The following STRBP variants were observed in gnomAD, a reference collection of about 807,000 sequenced individuals.
STRBP encodes the protein spermatid perinuclear RNA binding protein, also known as spermatid perinuclear RNA-binding protein.
STRBP carries 13 observed loss-of-function variants against 80.1 expected under a neutral mutation model. The observed-to-expected ratio is 0.16, with a 90% CI of 0.11 to 0.26. The LOEUF (loss-of-function observed/expected upper bound fraction) is 0.26, where lower values mean the gene tolerates loss of function less well. Among genes scored for constraint, STRBP ranks in the 10% least tolerant of loss-of-function variants. The pLI is 1.00. For synonymous variants in STRBP, 284 were observed against 291.2 expected, an observed-to-expected ratio of 0.98 and a Z score of 0.25; for missense variants, 485 against 815.2, an observed-to-expected ratio of 0.59 and a Z score of 4.93.
chr9:123,169,545 C>A (rs2037919690), intron 6 of STRBP, among the ~76,000 whole-genome samples: 1 of 152,068 alleles, frequency 6.6e-6, no homozygotes, highest in African/African-American at 2.4e-5. Flanking sequence ...ATCCTGAAAT[C>A]CGACCATTAA....
At chr9:123,194,318 T>C (rs1167731185) in intron 2 of STRBP, among the ~76,000 whole-genome samples, 1 of 152,166 alleles carries the variant, frequency 6.6e-6, no homozygotes, top group Non-Finnish European at 1.5e-5. Context: ...TCCTATCTAA[T>C]GCAAATTCCT....
At chr9:123,185,396 A>C (rs1448854407) in intron 2 of STRBP, among the ~76,000 whole-genome samples, 2 of 152,070 alleles carry the variant, frequency 1.3e-5, no homozygotes, top group Non-Finnish European at 2.9e-5. Flanking sequence ...GCGATACCCT[A>C]TCTCTTTAAA....
chr9:123,178,991 G>A lies in STRBP; in HGVS notation c.224+16C>T, dbSNP rs756501687. On this transcript the variant is annotated intron_variant, in intron 4 of 18. Coordinates refer to ENST00000348403, the MANE Select transcript of STRBP (RefSeq NM_018387.5). ...TGCACTCTAGCACAGCGTCCCAGAG[G>A]TCAGTCCACACTCACTTGGAATAGT... The A allele has an allele frequency of 2.5e-6, 4 of 1,612,426 alleles. No individual in the cohort carries two copies. The highest frequency in any genetic ancestry group is 3.4e-6 in the Non-Finnish European group (4 of 1,178,530).
At chr9:123,259,182 G>T (rs2041107699) in intron 1 of STRBP, among the ~76,000 whole-genome samples, 1 of 152,050 alleles carries the variant, frequency 6.6e-6, no homozygotes, top group African/African-American at 2.4e-5. Flanking sequence ...GAGCTGCTAA[G>T]ATTTCCTAAG....
intron 2 of STRBP, among the ~76,000 whole-genome samples, chr9:123,212,409 A>C (rs1167882902): frequency 6.6e-6 from 1 of 152,184 alleles, no homozygotes; most frequent in African/African-American, 2.4e-5. Context: ...ACAAACTTCA[A>C]ACTACTAAAA....
At chr9:123,234,071 G>A (rs906394014) in intron 2 of STRBP, among the ~76,000 whole-genome samples, 3 of 151,732 alleles carry the variant, frequency 2.0e-5, no homozygotes, top group Non-Finnish European at 2.9e-5. Context: ...CGTGGTGGCG[G>A]GCGCCTGTAG....
chr9:123,202,127 G>A (rs933161723), intron 2 of STRBP, among the ~76,000 whole-genome samples: 139 of 152,056 alleles, frequency 9.1e-4, no homozygotes, highest in African/African-American at 3.3e-3. Flanking sequence ...TCTCTGTTAG[G>A]TGAGTTTCTT....
At chr9:123,229,350 A>C (rs2040334686) in intron 2 of STRBP, among the ~76,000 whole-genome samples, 1 of 152,194 alleles carries the variant, frequency 6.6e-6, no homozygotes, top group African/African-American at 2.4e-5. Context: ...ATTATATCTC[A>C]ATAAAGAAAT....
At chr9:123,253,903 T>A (rs2040967706) in intron 1 of STRBP, among the ~76,000 whole-genome samples, 1 of 152,152 alleles carries the variant, frequency 6.6e-6, no homozygotes, top group Admixed American at 6.5e-5. Context: ...TCAAACTGCA[T>A]AATGGGTAAG....
At chr9:123,146,565 G>A in intron 13 of STRBP, among the ~76,000 whole-genome samples, 2 of 145,276 alleles carry the variant, frequency 1.4e-5, no homozygotes, top group African/African-American at 5.1e-5. Context: ...GAAAATGATG[G>A]GAAATAAACC....
At chr9:123,172,498 G>A (rs2038052251) in intron 5 of STRBP, among the ~76,000 whole-genome samples, 1 of 152,042 alleles carries the variant, frequency 6.6e-6, no homozygotes, top group Non-Finnish European at 1.5e-5. Context: ...TTTTTTAAAA[G>A]GGAGGGAAAG....
At chr9:123,236,341 T>G (rs1267565822) in intron 2 of STRBP, among the ~76,000 whole-genome samples, 2 of 152,208 alleles carry the variant, frequency 1.3e-5, no homozygotes, top group Non-Finnish European at 2.9e-5. Flanking sequence ...CATTTGCTCA[T>G]TTTACATGTC....
intron 2 of STRBP, among the ~76,000 whole-genome samples, chr9:123,236,161 A>G (rs754879530): frequency 4.3e-4 from 66 of 152,326 alleles, no homozygotes; most frequent in Non-Finnish European, 8.5e-4. Flanking sequence ...AAATGTTCCC[A>G]ATTTCTTGAG....
rs1170771227 is a variant in STRBP, at chr9:123,240,007, G to A, written c.-301-3041C>T. Among the ~76,000 whole-genome samples the A allele has an allele frequency of 2.0e-5, 3 of 152,164 alleles. No homozygotes were observed. The South Asian group carries it at 6.2e-4, about 32-fold the overall frequency. On this transcript the variant is annotated intron_variant, in intron 1 of 18. Transcript: ENST00000348403. ...AGTCCTCACTCAAACCAGGTCTTCTGACCAAAAAAATAAGCCCATTTTCTT... is the reference window on the plus strand; with the variant it reads ...AGTCCTCACTCAAACCAGGTCTTCTAACCAAAAAAATAAGCCCATTTTCTT...
rs763911551 is a variant in STRBP at position 123,132,840 on chromosome 9, T to G, written c.1897+5A>C. On this transcript the variant is annotated splice_donor_5th_base_variant and intron_variant, in intron 17 of 18. Coordinates refer to ENST00000348403, the MANE Select transcript of STRBP (RefSeq NM_018387.5). Reference sequence around the variant, plus strand: ...GGGGCCAATCTCTTGCAGTTTGTACTATACCTGGAGCTATGTAGCCAGGAG... The same window carrying G: ...GGGGCCAATCTCTTGCAGTTTGTACGATACCTGGAGCTATGTAGCCAGGAG... 2 of 1,613,854 alleles carry G rather than the reference T, an allele frequency of 1.2e-6. No individual in the cohort carries two copies. The highest frequency in any genetic ancestry group is 1.7e-6 in the Non-Finnish European group (2 of 1,179,870).
downstream of STRBP, among the ~76,000 whole-genome samples, chr9:123,118,969 T>C (rs1357487148): frequency 6.6e-6 from 1 of 152,208 alleles, no homozygotes; most frequent in Non-Finnish European, 1.5e-5. Flanking sequence ...ACTTTCCAAC[T>C]GTGTCCAGAC....
At chr9:123,191,469 C>G (rs1248463074) in intron 2 of STRBP, among the ~76,000 whole-genome samples, 4 of 152,194 alleles carry the variant, frequency 2.6e-5, no homozygotes, top group Admixed American at 2.6e-4. Context: ...ATGGCAGAGG[C>G]TGGCAAACTT....
At position 123,173,803 on chromosome 9, in the gene STRBP, A is replaced by G. The variant is rs1290935583; in HGVS notation, c.264T>C (p.Ile88=). 1 of 1,613,710 alleles carries G rather than the reference A, an allele frequency of 6.2e-7. No homozygotes were observed. Among genetic ancestry groups the G allele is most frequent in the East Asian group, 2.2e-5 (1 of 44,860 alleles). The part of the protein sequence containing the change: ...GGRTLCGVMR[I]GLVAKGLLIK... The stretch of plus-strand genomic sequence containing the variant: ...TCAGCAAGCCTTTTGCAACCAGGCC[A>G]ATCCTCATTACACCACACAATGTCC... The change falls in exon 5 of 19, where the codon ATT becomes ATC. Residue 88 remains isoleucine (I), a synonymous_variant. Transcript: ENST00000348403.
At chr9:123,256,778 C>T (rs1028081713) in intron 1 of STRBP, among the ~76,000 whole-genome samples, 1 of 151,978 alleles carries the variant, frequency 6.6e-6, no homozygotes, top group Non-Finnish European at 1.5e-5. Flanking sequence ...TTTAGACAGA[C>T]CAATTAACCT....
Sources: gnomAD v4.1 joint callset for allele counts (sites outside exome capture counted in the v4.1 genomes callset) on GRCh38, gnomAD v4.1.1 for gene constraint, MANE v1.5 for transcripts, NCBI Gene and HGNC (gene_info 2026-07-23, HGNC 2026-07-21) for gene names.